CEMIP2: variants seen among roughly 807,000 people sequenced by gnomAD.
The protein encoded by CEMIP2 is cell surface hyaluronidase CEMIP2.
CEMIP2 carries 79 observed loss-of-function variants against 146.9 expected under a neutral mutation model. The ratio of observed to expected loss-of-function variants is 0.54; its 90% CI spans 0.45 to 0.65. CEMIP2 has a LOEUF of 0.65. CEMIP2 is among the 30% of genes least tolerant of loss of function. CEMIP2 has a pLI of 0.00. For missense variants in CEMIP2, 1,596 were observed against 1,696.2 expected (o/e 0.94, Z 1.04); for synonymous variants, 601 against 606.3 (o/e 0.99, Z 0.13).
Position 71,746,298 on chromosome 9 carries a change from T to G in CEMIP2, c.375A>C (p.Pro125=). The G allele has an allele frequency of 1.9e-6, 3 of 1,613,982 alleles. No individual in the cohort carries two copies. Among genetic ancestry groups the G allele is most frequent in the Non-Finnish European group, 2.5e-6 (3 of 1,179,878 alleles). ...CAACTTGCTTTGCAGAATCTTGTCC[T>G]GGATCCCAATTCCTGAGACGAGGAT... ...DQNPRLRNWD[P]GQDSAKQVVI... Residue 125 remains proline (P), a synonymous_variant, in exon 3 of 24, where the codon CCA becomes CCC. Transcript: ENST00000377044.
chr9:71,703,818 A>G (rs909071883), intron 18 of CEMIP2, among the ~76,000 whole-genome samples: 35 of 152,180 alleles, frequency 2.3e-4, no homozygotes, highest in African/African-American at 5.8e-4. Flanking sequence ...TTTTATTAAT[A>G]TAACAAGACA....
At chr9:71,748,351 T>C (rs1212275637) in intron 2 of CEMIP2, among the ~76,000 whole-genome samples, 2 of 152,176 alleles carry the variant, frequency 1.3e-5, no homozygotes, top group South Asian at 2.1e-4. Context: ...GCAGTGAGTA[T>C]ATTATCAAAG....
chr9:71,700,750 C>T lies in CEMIP2; in HGVS notation c.3269G>A (p.Arg1090Gln), dbSNP rs753007986. ...GATTTTGGATAATGAGCCATTCTGC[C>T]GCTGCAAATAGCCAAAGGTAACTTG... is the stretch of plus-strand genomic sequence containing the variant. ...SFQVTFGYLQRQNGSLSKIEE... is the reference protein window; with the variant it reads ...SFQVTFGYLQQQNGSLSKIEE... The change falls in exon 19 of 24, where the codon CGG becomes CAG. Residue 1090 changes from arginine (R) to glutamine (Q), a missense_variant. Transcript: ENST00000377044. The T allele has an allele frequency of 2.0e-5, 32 of 1,613,986 alleles. No homozygotes were observed. The East Asian group carries it at 2.2e-4, about 11-fold the overall frequency.
intron 11 of CEMIP2, among the ~76,000 whole-genome samples, chr9:71,723,183 G>A (rs1472003968): frequency 6.8e-6 from 1 of 148,036 alleles, no homozygotes; most frequent in Admixed American, 6.7e-5. Context: ...AAAAATGTAC[G>A]AAGGAAGGAA....
chr9:71,731,814 A>C (rs1158074137), intron 7 of CEMIP2, among the ~76,000 whole-genome samples: 1 of 152,202 alleles, frequency 6.6e-6, no homozygotes, highest in African/African-American at 2.4e-5. Flanking sequence ...ATTTAAAAAC[A>C]CATGTAGCCA....
intron 12 of CEMIP2, among the ~76,000 whole-genome samples, chr9:71,720,776 G>T (rs1336416224): frequency 6.6e-6 from 1 of 152,168 alleles, no homozygotes; most frequent in Non-Finnish European, 1.5e-5. Context: ...TTCAGTATAT[G>T]CACAAGCTCT....
chr9:71,742,502 C>T (rs1459064907), intron 4 of CEMIP2, among the ~76,000 whole-genome samples: 1 of 152,168 alleles, frequency 6.6e-6, no homozygotes, highest in Non-Finnish European at 1.5e-5. Context: ...TGTTTATGTA[C>T]ATTGGAGATA....
intron 10 of CEMIP2, among the ~76,000 whole-genome samples, chr9:71,728,351 A>C (rs1823511538): frequency 8.0e-6 from 1 of 124,930 alleles, no homozygotes; most frequent in South Asian, 2.6e-4. Context: ...GTATGATGGC[A>C]TGTGCCTGTA....
In CEMIP2 at chr9:71,717,987, G is replaced by A. The variant is rs749318283; in HGVS notation, c.2360C>T (p.Ala787Val). Residue 787 changes from alanine (A) to valine (V), a missense_variant, in exon 13 of 24, where the codon GCT (alanine) becomes GTT (valine). By Grantham distance (64) the Ala-to-Val change is moderately conservative (BLOSUM62 0). Transcript: ENST00000377044. ...GATAATATCTCCTCCTCTGACCCAA[G>A]CTCCATTATCATTATTTTTAAAAGC... is the stretch of plus-strand genomic sequence containing the variant. The part of the protein sequence containing the change: ...LIAFKNNDNG[A>V]WVRGGDIIVQ... 2 of 1,611,984 alleles carry A rather than the reference G, an allele frequency of 1.2e-6. No homozygotes were observed. The highest frequency in any genetic ancestry group is 1.7e-6 in the Non-Finnish European group (2 of 1,179,016).
chr9:71,715,031 C>G lies in CEMIP2; in HGVS notation c.2494G>C (p.Val832Leu). 1 of 1,613,990 alleles carries G rather than the reference C, an allele frequency of 6.2e-7. No homozygotes were observed. Among genetic ancestry groups the G allele is most frequent in the Non-Finnish European group, 8.5e-7 (1 of 1,179,948 alleles). The change falls in exon 15 of 24, where the codon GTT (valine) becomes CTT (leucine). Residue 832 changes from valine (V) to leucine (L), a missense_variant. Transcript: ENST00000377044. ...AAGCCGTAATTCCTGCTCTCCCCAA[C>G]AAAGAGAGATTCAGATACCTCTTGG... ...SSQEVSESLF[V>L]GESRNYGFQG...
intron 1 of CEMIP2, among the ~76,000 whole-genome samples, chr9:71,758,822 G>T (rs1824540632): frequency 6.6e-6 from 1 of 152,126 alleles, no homozygotes; most frequent in African/African-American, 2.4e-5. Flanking sequence ...AAAATATTTT[G>T]ATTTCCTAAA....
At chr9:71,714,685 T>TA (rs1822998540) in intron 15 of CEMIP2, among the ~76,000 whole-genome samples, 2 of 152,236 alleles carry the variant, frequency 1.3e-5, no homozygotes. Flanking sequence ...TTCTTTGTTA[T>TA]AAAATTGATA....
chr9:71,706,610 T>C (rs909726465), intron 17 of CEMIP2, among the ~76,000 whole-genome samples: 5 of 152,230 alleles, frequency 3.3e-5, no homozygotes, highest in African/African-American at 1.2e-4. Context: ...TATGTCACAT[T>C]GGTAGTTGCA....
intron 16 of CEMIP2, among the ~76,000 whole-genome samples, chr9:71,711,542 G>A (rs983226318): frequency 7.9e-5 from 12 of 151,296 alleles, no homozygotes; most frequent in Non-Finnish European, 1.3e-4. Flanking sequence ...CTTTGCCACC[G>A]TTCACATCAG....
Position 71,730,874 on chromosome 9 carries a change from T to C in CEMIP2, c.1604A>G (p.Glu535Gly), listed in dbSNP as rs762966080. 1.9e-6 allele frequency: 3 copies of C among 1,614,172 alleles called. No homozygotes were observed. The Admixed American group carries it at 5.0e-5, about 27-fold the overall frequency. ...CTGCTGCTGACCCATGTGTTTCAAT[T>C]CCACATAAGAAAGATGGACTGAAGT... ...NFTSVHLSYVELKHMGQQQMG... is the reference protein window; with the variant it reads ...NFTSVHLSYVGLKHMGQQQMG... The change falls in exon 8 of 24, where the codon GAA (glutamate) becomes GGA (glycine). Residue 535 changes from glutamate to glycine, a missense_variant. Physicochemically the swap from Glu to Gly is moderately conservative, Grantham distance 98. Transcript: ENST00000377044.
At position 71,712,119 on chromosome 9, in the gene CEMIP2, G is replaced by C. The variant is rs1330105741; in HGVS notation, c.2733C>G (p.Pro911=). Residue 911 remains proline, a synonymous_variant, in exon 16 of 24, where the codon CCC becomes CCG. Coordinates refer to ENST00000377044, the MANE Select transcript of CEMIP2 (RefSeq NM_013390.3). ...ACTTCACGAGGGAGATATTATTCCT[G>C]GGGGTTATCTGCCAGGAATTCTTCA... ...FLMKNSWQIT[P]RNNISLVKFG... is the part of the protein sequence containing the mutation. The C allele has an allele frequency of 1.2e-6, 2 of 1,614,102 alleles. No individual in the cohort carries two copies. Among genetic ancestry groups the C allele is most frequent in the African/African-American group, 1.3e-5 (1 of 75,036 alleles).
intron 17 of CEMIP2, among the ~76,000 whole-genome samples, chr9:71,708,497 C>CTTCTCT (rs1822818013): frequency 6.6e-6 from 1 of 152,210 alleles, no homozygotes; most frequent in Admixed American, 6.5e-5. Flanking sequence ...TGTGTACCGA[C>CTTCTCT]ATAGAGAAGT....
intron 17 of CEMIP2, among the ~76,000 whole-genome samples, chr9:71,706,136 G>A (rs1822729148): frequency 6.6e-6 from 1 of 151,730 alleles, no homozygotes; most frequent in Non-Finnish European, 1.5e-5. Flanking sequence ...GGCTGAGGCA[G>A]GAGAATTGCT....
At chr9:71,729,620 GAAA>G (rs201829829) in intron 10 of CEMIP2, among the ~76,000 whole-genome samples, 1 of 130,062 alleles carries the variant, frequency 7.7e-6, no homozygotes. Context: ...TCTGTCTCGA[GAAA>G]AAAAAAAAAA....
Sources: gnomAD v4.1 joint callset for allele counts (sites outside exome capture counted in the v4.1 genomes callset) on GRCh38, gnomAD v4.1.1 for gene constraint, MANE v1.5 for transcripts, NCBI Gene and HGNC (gene_info 2026-07-23, HGNC 2026-07-21) for gene names.